RUFY3: variants seen among roughly 807,000 people sequenced by gnomAD.
RUFY3 encodes the protein protein RUFY3.
In RUFY3, 34 loss-of-function variants were observed where a neutral mutation model predicts 84.0. The observed-to-expected ratio is 0.40, with a 90% CI of 0.31 to 0.54. The LOEUF is 0.54. Among genes scored for constraint, RUFY3 ranks in the 20% least tolerant of loss-of-function variants. RUFY3 has a pLI of 0.39. For missense variants in RUFY3, 507 were observed against 736.8 expected, an observed-to-expected ratio of 0.69 and a Z score of 3.61; for synonymous variants, 242 against 252.9, an observed-to-expected ratio of 0.96 and a Z score of 0.41.
chr4:70,727,450 G>A (rs1183820880), intron 1 of RUFY3, among the ~76,000 whole-genome samples: 1 of 146,450 alleles, frequency 6.8e-6, no homozygotes, highest in Admixed American at 6.9e-5. Flanking sequence ...CTGCCTCCCA[G>A]GTTCAAGCGA....
At chr4:70,768,763 G>T (rs1472633477) in intron 5 of RUFY3, 102 bp downstream of exon 5, 4 of 1,085,506 alleles carry the variant, frequency 3.7e-6, no homozygotes, top group Non-Finnish European at 5.3e-6. Flanking sequence ...CATATTCTAT[G>T]AGTCATAAAC....
chr4:70,789,454 T>C lies in RUFY3; in HGVS notation c.1240-41T>C, dbSNP rs758882124. The C allele has an allele frequency of 1.5e-5, 24 of 1,558,442 alleles. 2 individuals carry two copies. The South Asian group carries it at 2.5e-4, about 16-fold the overall frequency. On this transcript the variant is annotated intron_variant, in intron 11 of 17. Transcript: ENST00000381006. Reference sequence around the variant, plus strand: ...AGGCATGTGTGGTTGTATTTTAGGATTTATGTTATACAGGTTGTTTATCGT... The same window carrying C: ...AGGCATGTGTGGTTGTATTTTAGGACTTATGTTATACAGGTTGTTTATCGT...
chr4:70,787,726 G>A (rs1226646361), intron 10 of RUFY3, among the ~76,000 whole-genome samples: 2 of 152,104 alleles, frequency 1.3e-5, no homozygotes, highest in Admixed American at 6.6e-5. Context: ...GGTATGATTC[G>A]TTTTCTATAA....
Position 70,806,499 on chromosome 4 carries a change from ACCT to A in RUFY3, c.1720-12_1720-10del. ...TTGCTCATCTTCTATTCCCCGCCTA[ACCT>A]CCTCTTCTCATAGAATGTGTGTAAG... On this transcript the variant is annotated splice_polypyrimidine_tract_variant and intron_variant, in intron 17 of 17. Coordinates refer to ENST00000381006, the MANE Select transcript of RUFY3 (RefSeq NM_001037442.4). 1 of 1,613,352 alleles carries A rather than the reference ACCT, an allele frequency of 6.2e-7. No individual in the cohort carries two copies. The highest frequency in any genetic ancestry group is 8.5e-7 in the Non-Finnish European group (1 of 1,179,484).
chr4:70,739,923 G>A lies in RUFY3; in HGVS notation c.178+17172G>A, dbSNP rs186230755. 1.9e-3 allele frequency among the ~76,000 whole-genome samples: 281 copies of A among 150,580 alleles called. 1 individual carries two copies. The highest frequency in any genetic ancestry group is 6.6e-3 in the African/African-American group (272 of 40,948). ...GGATAATTGCTTCAACCCAGGAGGC[G>A]GAGGCTGCAGTGAGCTGAGATCGTG... On this transcript the variant is annotated intron_variant, in intron 1 of 17. Coordinates refer to ENST00000381006, the MANE Select transcript of RUFY3 (RefSeq NM_001037442.4).
chr4:70,760,675 C>A (rs1724872110), intron 1 of RUFY3, among the ~76,000 whole-genome samples: 1 of 152,028 alleles, frequency 6.6e-6, no homozygotes, highest in African/African-American at 2.4e-5. Flanking sequence ...GCATAGTTTT[C>A]CATGTATTTT....
At chr4:70,781,650 C>A (rs1011019270) in intron 8 of RUFY3, among the ~76,000 whole-genome samples, 2 of 152,176 alleles carry the variant, frequency 1.3e-5, no homozygotes, top group Admixed American at 1.3e-4. Flanking sequence ...CCTACTTGCC[C>A]AGAATTGGTT....
intron 4 of RUFY3, among the ~76,000 whole-genome samples, chr4:70,768,035 A>G (rs1054047306): frequency 3.3e-5 from 5 of 151,990 alleles, no homozygotes; most frequent in Non-Finnish European, 5.9e-5. Context: ...GGGTCTTACT[A>G]TGTTGCTCAC....
rs1488903491 is a variant in RUFY3 at position 70,806,830 on chromosome 4, A to T, written c.*171A>T. 2 of 675,202 alleles carry T rather than the reference A, an allele frequency of 3.0e-6. No individual in the cohort carries two copies. Among genetic ancestry groups the T allele is most frequent in the African/African-American group, 3.6e-5 (2 of 55,620 alleles). 41.8% of individuals were successfully genotyped at this position (675,202 alleles called of 1,614,324 possible). On this transcript the variant is annotated 3_prime_UTR_variant, in exon 18 of 18. Coordinates refer to ENST00000381006, the MANE Select transcript of RUFY3 (RefSeq NM_001037442.4). Reference sequence around the variant, plus strand: ...GTTGGGGTTACTGGAAATTTTGCTCATTTTCTCTAATGACTGTATGAATAA... The same window carrying T: ...GTTGGGGTTACTGGAAATTTTGCTCTTTTTCTCTAATGACTGTATGAATAA...
chr4:70,793,665 TC>T (rs1375482804), intron 12 of RUFY3, 119 bp from the exon 13 acceptor site: 2 of 1,567,256 alleles, frequency 1.3e-6, no homozygotes, highest in African/African-American at 2.8e-5. Flanking sequence ...AAAGTTTTTT[TC>T]CTCTCTCTGT....
intron 8 of RUFY3, among the ~76,000 whole-genome samples, chr4:70,782,330 A>G (rs1300817107): frequency 1.4e-5 from 2 of 146,196 alleles, no homozygotes; most frequent in African/African-American, 5.1e-5. Context: ...CACTCTCACC[A>G]GGCTGGAGTG....
intron 1 of RUFY3, among the ~76,000 whole-genome samples, chr4:70,727,848 T>C (rs1718543751): frequency 6.6e-6 from 1 of 152,012 alleles, no homozygotes; most frequent in Non-Finnish European, 1.5e-5. Context: ...TATACGCATG[T>C]CCACATACGT....
At chr4:70,743,978 G>A (rs1681641060) in intron 1 of RUFY3, among the ~76,000 whole-genome samples, 1 of 152,108 alleles carries the variant, frequency 6.6e-6, no homozygotes, top group Non-Finnish European at 1.5e-5. Context: ...ATAAGTGCTA[G>A]TACTAAGAAG....
intron 1 of RUFY3, among the ~76,000 whole-genome samples, chr4:70,756,985 A>C (rs929250493): frequency 1.3e-5 from 2 of 152,144 alleles, no homozygotes; most frequent in Admixed American, 1.3e-4. Context: ...AAATTTTTTT[A>C]ATTAGCTGGG....
At chr4:70,793,652 T>C in intron 12 of RUFY3, 133 bp from the exon 13 acceptor site, 1 of 1,546,686 alleles carries the variant, frequency 6.5e-7, no homozygotes, top group Non-Finnish European at 8.7e-7. Context: ...ACCTGTGTCC[T>C]GCAAAGTTTT....
intron 10 of RUFY3, 126 bp from the exon 11 acceptor site, chr4:70,788,680 A>C: frequency 2.4e-6 from 2 of 842,564 alleles, no homozygotes; most frequent in Non-Finnish European, 3.5e-6. Context: ...AATGAATGGT[A>C]GCTTAAGCTA....
Position 70,726,229 on chromosome 4 carries a change from C to G in RUFY3, c.178+3478C>G, listed in dbSNP as rs1263368565. On this transcript the variant is annotated intron_variant, in intron 1 of 17. Transcript: ENST00000381006. ...GGGTGGCTGGAGAATGAACATAAGG[C>G]AGTGCCTGGGATGACTCTCCAACTT... 1.7e-3 allele frequency among the ~76,000 whole-genome samples: 256 copies of G among 152,322 alleles called. 7 individuals carry two copies. Among genetic ancestry groups the G allele is most frequent in the Admixed American group, 0.011 (176 of 15,308 alleles).
At chr4:70,768,453 A>T in intron 4 of RUFY3, 85 bp from the exon 5 acceptor site, 1 of 1,304,938 alleles carries the variant, frequency 7.7e-7, no homozygotes, top group Non-Finnish European at 1.1e-6. Context: ...ACTATGATTC[A>T]ACCATGAATC....
rs773260707 is a variant in RUFY3, at chr4:70,806,537, G to A, written c.1741G>A (p.Gly581Arg). 20 of 1,614,048 alleles carry A rather than the reference G, an allele frequency of 1.2e-5. No individual in the cohort carries two copies. Among genetic ancestry groups the A allele is most frequent in the Middle Eastern group, 1.7e-4 (1 of 6,060 alleles). ...ATAGAATGTGTGTAAGAACTGCAGC[G>A]GAACCTTCTGTGATGCCTGTTCAAC... Reference protein sequence around the residue: ...LTKNVCKNCSGTFCDACSTNE... With the variant: ...LTKNVCKNCSRTFCDACSTNE... Residue 581 changes from glycine (G) to arginine (R), a missense_variant, in exon 18 of 18, where the codon GGA becomes AGA. Transcript: ENST00000381006.
Sources: gnomAD v4.1 joint callset for allele counts (sites outside exome capture counted in the v4.1 genomes callset) on GRCh38, gnomAD v4.1.1 for gene constraint, MANE v1.5 for transcripts, NCBI Gene and HGNC (gene_info 2026-07-23, HGNC 2026-07-21) for gene names.